Variants in PSMA6 observed in about 807,000 individuals in gnomAD.
The protein encoded by PSMA6 is proteasome subunit alpha type-6.
For synonymous variants in PSMA6, 88 were observed against 97.7 expected, an observed-to-expected ratio of 0.90 and a Z score of 0.59; for missense variants, 170 against 294.8, an observed-to-expected ratio of 0.58 and a Z score of 3.10.
At chr14:35,285,102 T>TC in intron 1 of PSMA6, among the ~76,000 whole-genome samples, 1 of 152,170 alleles carries the variant, frequency 6.6e-6, no homozygotes, top group African/African-American at 2.4e-5. Flanking sequence ...TCCCAGCACT[T>TC]TGGGAGGCCG....
intron 3 of PSMA6, chr14:35,310,366 G>A (rs1594392550): frequency 2.9e-6 from 1 of 344,418 alleles, no homozygotes; most frequent in African/African-American, 2.2e-5. Flanking sequence ...ATGTTGGCCA[G>A]GCTGGTCTCA....
intron 6 of PSMA6, chr14:35,315,430 C>T (rs2052026589): frequency 6.6e-6 from 1 of 150,898 alleles, no homozygotes; most frequent in African/African-American, 2.4e-5. Flanking sequence ...CTGTGGCATG[C>T]ATCTGTAGTC....
At chr14:35,315,008 C>T (rs886530863) in intron 6 of PSMA6, 1 of 149,732 alleles carries the variant, frequency 6.7e-6, no homozygotes, top group Non-Finnish European at 1.5e-5. Flanking sequence ...GTGACTAACT[C>T]CCACACATCA....
chr14:35,314,753 A>G (rs1239754468), intron 6 of PSMA6: 1 of 175,520 alleles, frequency 5.7e-6, no homozygotes, highest in Non-Finnish European at 1.2e-5. Context: ...TCTTTTTTTT[A>G]GTTTAAGGCC....
chr14:35,281,165 G>C (rs1384094475), intron 1 of PSMA6, among the ~76,000 whole-genome samples: 3 of 152,126 alleles, frequency 2.0e-5, no homozygotes, highest in South Asian at 4.2e-4. Flanking sequence ...TTCAATAGCA[G>C]TGCAAATTCT....
At chr14:35,279,549 G>T (rs558984610) in intron 1 of PSMA6, among the ~76,000 whole-genome samples, 1 of 152,150 alleles carries the variant, frequency 6.6e-6, no homozygotes, top group Non-Finnish European at 1.5e-5. Context: ...TAAGGGTCAC[G>T]TCCTTTGGCA....
intron 1 of PSMA6, among the ~76,000 whole-genome samples, chr14:35,302,722 T>A (rs1402174050): frequency 6.6e-6 from 1 of 152,150 alleles, no homozygotes; most frequent in African/African-American, 2.4e-5. Context: ...TTTCTGCCTT[T>A]TTAAGATTGG....
At chr14:35,307,007 G>A (rs2051840562) in intron 1 of PSMA6, among the ~76,000 whole-genome samples, 1 of 152,080 alleles carries the variant, frequency 6.6e-6, no homozygotes, top group Non-Finnish European at 1.5e-5. Context: ...ACTTAGCTGG[G>A]CATGGTGGTG....
At chr14:35,305,039 A>T (rs528612904) in intron 1 of PSMA6, among the ~76,000 whole-genome samples, 1 of 152,102 alleles carries the variant, frequency 6.6e-6, no homozygotes, top group Non-Finnish European at 1.5e-5. Context: ...GTGCCACTGC[A>T]CTCAGCCTGG....
chr14:35,309,420 TG>T (rs1180463138), intron 3 of PSMA6, among the ~76,000 whole-genome samples: 1 of 151,196 alleles, frequency 6.6e-6, no homozygotes, highest in Non-Finnish European at 1.5e-5. Context: ...GAGGCCAAGG[TG>T]AGAGGATTGT....
intron 1 of PSMA6, among the ~76,000 whole-genome samples, chr14:35,280,278 A>G (rs2051352758): frequency 6.6e-6 from 1 of 152,196 alleles, no homozygotes; most frequent in African/African-American, 2.4e-5. Context: ...TGTCTCTACT[A>G]AAAATACAAC....
intron 6 of PSMA6, 148 bp downstream of exon 6, chr14:35,314,603 C>A: frequency 9.1e-7 from 1 of 1,096,464 alleles, no homozygotes; most frequent in Non-Finnish European, 1.2e-6. Context: ...CACCTGAGAT[C>A]TGTTTTTAAA....
At chr14:35,306,295 G>A (rs913933518) in intron 1 of PSMA6, among the ~76,000 whole-genome samples, 11 of 150,608 alleles carry the variant, frequency 7.3e-5, no homozygotes, top group East Asian at 2.0e-4. Flanking sequence ...GGTGGCTCAC[G>A]CCTGTAATCT....
chr14:35,301,862 C>T (rs1180416922), intron 1 of PSMA6, among the ~76,000 whole-genome samples: 1 of 152,126 alleles, frequency 6.6e-6, no homozygotes, highest in Non-Finnish European at 1.5e-5. Flanking sequence ...TCAGGGATGA[C>T]AGACACAAAT....
chr14:35,286,350 T>A (rs1217723735), intron 1 of PSMA6, among the ~76,000 whole-genome samples: 5 of 152,180 alleles, frequency 3.3e-5, no homozygotes, highest in Admixed American at 6.5e-5. Context: ...TTAACATGCC[T>A]AAGGGGAAGC....
chr14:35,286,126 A>C (rs992334572), intron 1 of PSMA6, among the ~76,000 whole-genome samples: 2 of 152,220 alleles, frequency 1.3e-5, no homozygotes, highest in African/African-American at 4.8e-5. Flanking sequence ...TGGGTACAGC[A>C]TACTCACCTG....
intron 3 of PSMA6, among the ~76,000 whole-genome samples, chr14:35,309,354 T>C (rs1309742812): frequency 6.6e-6 from 1 of 152,192 alleles, no homozygotes; most frequent in Admixed American, 6.5e-5. Context: ...AGAATTATTA[T>C]GAAAATTATT....
upstream of PSMA6, among the ~76,000 whole-genome samples, chr14:35,291,833 A>C (rs1247704582): frequency 6.7e-6 from 1 of 149,966 alleles, no homozygotes; most frequent in Non-Finnish European, 1.5e-5. Context: ...CAAAAAAAAA[A>C]AAAAAAAAAA....
chr14:35,304,726 CAAAA>C (rs34824477), intron 1 of PSMA6, among the ~76,000 whole-genome samples: 1 of 124,092 alleles, frequency 8.1e-6, no homozygotes, highest in African/African-American at 3.0e-5. Context: ...AACTCCATCT[CAAAA>C]AAAAAAAAAA....
Sources: gnomAD v4.1 joint callset for allele counts (sites outside exome capture counted in the v4.1 genomes callset) on GRCh38, gnomAD v4.1.1 for gene constraint, MANE v1.5 for transcripts, NCBI Gene and HGNC (gene_info 2026-07-23, HGNC 2026-07-21) for gene names.